Variants in WDPCP observed in about 807,000 individuals in gnomAD.
WDPCP encodes the protein WD repeat-containing and planar cell polarity effector protein fritz homolog.
WDPCP carries 71 observed loss-of-function variants against 93.1 expected under a neutral mutation model. That is an observed-to-expected ratio of 0.76 (90% CI 0.63 to 0.93). The LOEUF (loss-of-function observed/expected upper bound fraction) is 0.93. Ranked by LOEUF, WDPCP falls within the 40% of genes least tolerant of loss-of-function variation. The pLI is 0.00. For missense variants in WDPCP, 844 were observed against 887.4 expected (o/e 0.95, Z 0.62); for synonymous variants, 315 against 315.0 (o/e 1.00, Z 0.00).
chr2:63,524,938 T>G (rs1168964028), intron 1 of WDPCP, among the ~76,000 whole-genome samples: 1 of 152,062 alleles, frequency 6.6e-6, no homozygotes, highest in African/African-American at 2.4e-5. Context: ...CAAAGACACA[T>G]GCATGCTTAT....
chr2:63,761,722 C>T (rs1026317679), intron 2 of WDPCP, among the ~76,000 whole-genome samples: 1 of 152,066 alleles, frequency 6.6e-6, no homozygotes, highest in Admixed American at 6.6e-5. Context: ...TTAGATTGTG[C>T]CCACCCAGCT....
intron 2 of WDPCP, among the ~76,000 whole-genome samples, chr2:63,740,389 T>C (rs1036959080): frequency 3.3e-5 from 5 of 152,142 alleles, no homozygotes; most frequent in African/African-American, 1.2e-4. Context: ...TTGACTAGAT[T>C]TAAGTTATCA....
rs543238768 is a variant in WDPCP, at chr2:63,798,313, T to G, written n.308+15309A>C. Reference sequence around the variant, plus strand: ...GTAACTGTGGTGTGTAAACTACTCTTAAGTAGAAAGACTAAACAATGAACC... The same window carrying G: ...GTAACTGTGGTGTGTAAACTACTCTGAAGTAGAAAGACTAAACAATGAACC... On this transcript the variant is annotated intron_variant and non_coding_transcript_variant, in intron 2 of 4. Coordinates refer to the WDPCP transcript ENST00000467687. Among the ~76,000 whole-genome samples, 7 of 152,298 alleles carry G rather than the reference T, an allele frequency of 4.6e-5. No individual in the cohort carries two copies. In the East Asian group the frequency reaches 1.3e-3, roughly 29 times the overall value.
chr2:63,185,455 G>A (rs904532023), intron 14 of WDPCP, among the ~76,000 whole-genome samples: 4 of 151,674 alleles, frequency 2.6e-5, no homozygotes, highest in Admixed American at 2.0e-4. Context: ...GTGCAGGGCT[G>A]TTTGGCTTTG....
intron 3 of WDPCP, among the ~76,000 whole-genome samples, chr2:63,638,550 A>G (rs1709946727): frequency 6.6e-6 from 1 of 152,168 alleles, no homozygotes; most frequent in African/African-American, 2.4e-5. Context: ...AACACTTTGG[A>G]AGGCAGAAGC....
At chr2:63,304,136 G>A (rs943011496) in intron 13 of WDPCP, among the ~76,000 whole-genome samples, 1 of 152,044 alleles carries the variant, frequency 6.6e-6, no homozygotes, top group Non-Finnish European at 1.5e-5. Context: ...CCACAACTGG[G>A]CATCTACCCA....
At chr2:63,198,786 G>A (rs1390097647) in intron 14 of WDPCP, among the ~76,000 whole-genome samples, 2 of 152,150 alleles carry the variant, frequency 1.3e-5, no homozygotes, top group Non-Finnish European at 2.9e-5. Context: ...CTGGGAGAGG[G>A]GCATTGCTAT....
At chr2:63,379,207 T>C (rs1029907795) in intron 11 of WDPCP, among the ~76,000 whole-genome samples, 1 of 152,100 alleles carries the variant, frequency 6.6e-6, no homozygotes, top group African/African-American at 2.4e-5. Flanking sequence ...CTAGGTTTTT[T>C]CCCAGAAATA....
intron 2 of WDPCP, among the ~76,000 whole-genome samples, chr2:63,798,751 A>C (rs1670649087): frequency 6.6e-6 from 1 of 152,126 alleles, no homozygotes; most frequent in Non-Finnish European, 1.5e-5. Context: ...ACGTAAATAG[A>C]CTAAACTCTC....
intron 1 of WDPCP, among the ~76,000 whole-genome samples, chr2:63,575,386 C>CAGTATAT (rs1558831532): frequency 6.5e-5 from 7 of 108,510 alleles, no homozygotes; most frequent in African/African-American, 2.0e-4. Flanking sequence ...ACAGTATATA[C>CAGTATAT]ACGGTATATA....
At chr2:63,674,857 A>C (rs1387327230) in intron 2 of WDPCP, among the ~76,000 whole-genome samples, 1 of 152,180 alleles carries the variant, frequency 6.6e-6, no homozygotes, top group Non-Finnish European at 1.5e-5. Context: ...GTTTGGTTTA[A>C]AATGTAGTTC....
At chr2:63,391,081 C>A (rs1189085155) in intron 10 of WDPCP, among the ~76,000 whole-genome samples, 3 of 152,114 alleles carry the variant, frequency 2.0e-5, no homozygotes, top group African/African-American at 7.2e-5. Context: ...GGCAGAGACA[C>A]ACACAAAAAA....
intron 2 of WDPCP, chr2:63,752,118 G>C: frequency 1.6e-6 from 1 of 608,766 alleles, no homozygotes; most frequent in Non-Finnish European, 3.0e-6. Flanking sequence ...CACAGGTGTG[G>C]CCATTCACAC....
chr2:63,819,534 T>C (rs1168341546), intron 1 of WDPCP, among the ~76,000 whole-genome samples: 1 of 152,202 alleles, frequency 6.6e-6, no homozygotes, highest in Non-Finnish European at 1.5e-5. Context: ...CTGGAGGACT[T>C]GTATTAAAAT....
intron 3 of WDPCP, among the ~76,000 whole-genome samples, chr2:63,614,741 A>G (rs566817231): frequency 2.0e-5 from 3 of 152,300 alleles, no homozygotes; most frequent in South Asian, 2.1e-4. Flanking sequence ...ACCTCATTCC[A>G]TAGGAATTCT....
intron 2 of WDPCP, among the ~76,000 whole-genome samples, chr2:63,794,470 C>T (rs1017795842): frequency 6.6e-6 from 1 of 152,214 alleles, no homozygotes; most frequent in African/African-American, 2.4e-5. Flanking sequence ...GTCAAAAAGA[C>T]TGCTAAAGAA....
chr2:63,750,495 C>T (rs1669863668), intron 2 of WDPCP, among the ~76,000 whole-genome samples: 1 of 151,940 alleles, frequency 6.6e-6, no homozygotes, highest in South Asian at 2.1e-4. Context: ...CCCACTGCTG[C>T]CTGTTTTTGT....
rs568266657 is a variant in WDPCP, at chr2:63,413,564, G to A, written c.826-8907C>T. On this transcript the variant is annotated intron_variant, in intron 9 of 17. Transcript: ENST00000272321. The stretch of plus-strand genomic sequence containing the variant: ...TGTAATCCCAGCACTTTGGGAGGCC[G>A]AGACGAGCGGATCATGAGGTCAGGA... Among the ~76,000 whole-genome samples, 47 of 152,244 alleles carry A rather than the reference G, an allele frequency of 3.1e-4. 1 individual carries two copies. In the South Asian group the frequency reaches 7.5e-3, roughly 24 times the overall value.
chr2:63,835,807 C>G, the WDPCP span, among the ~76,000 whole-genome samples: 1 of 151,842 alleles, frequency 6.6e-6, no homozygotes, highest in African/African-American at 2.4e-5. Flanking sequence ...TAGAATTATT[C>G]AATTATTTAA....
Sources: gnomAD v4.1 joint callset for allele counts (sites outside exome capture counted in the v4.1 genomes callset) on GRCh38, gnomAD v4.1.1 for gene constraint, MANE v1.5 for transcripts, NCBI Gene and HGNC (gene_info 2026-07-23, HGNC 2026-07-21) for gene names.